Variants in EXOC6B observed in about 807,000 individuals in gnomAD.
EXOC6B encodes exocyst complex component 6B, also known as SEC15 homolog B.
EXOC6B carries 54 observed loss-of-function variants against 113.5 expected under a neutral mutation model. The observed-to-expected ratio is 0.48, with a 90% confidence interval of 0.38 to 0.60. The LOEUF is 0.60. Among genes scored for constraint, EXOC6B ranks in the 20% least tolerant of loss-of-function variants. The pLI is 0.00. For synonymous variants in EXOC6B, 357 were observed against 339.0 expected, an observed-to-expected ratio of 1.05 and a Z score of -0.58; for missense variants, 797 against 977.5, an observed-to-expected ratio of 0.82 and a Z score of 2.46.
intron 18 of EXOC6B, among the ~76,000 whole-genome samples, chr2:72,443,902 T>C (rs1009815240): frequency 5.3e-5 from 8 of 152,202 alleles, no homozygotes; most frequent in South Asian, 2.1e-4. Flanking sequence ...ATTCTGCCCA[T>C]AGGCCCTCCC....
chr2:72,599,624 T>C (rs1478681851), intron 6 of EXOC6B, among the ~76,000 whole-genome samples: 2 of 152,198 alleles, frequency 1.3e-5, no homozygotes, highest in South Asian at 2.1e-4. Context: ...AACCACATGA[T>C]TGTCTATTTT....
At chr2:72,686,369 T>C (rs1252064719) in intron 6 of EXOC6B, among the ~76,000 whole-genome samples, 1 of 152,156 alleles carries the variant, frequency 6.6e-6, no homozygotes, top group Admixed American at 6.6e-5. Context: ...AGGTTTAACA[T>C]AGAATAAAAC....
intron 6 of EXOC6B, among the ~76,000 whole-genome samples, chr2:72,716,365 C>T (rs1253699210): frequency 1.3e-5 from 2 of 152,154 alleles, no homozygotes; most frequent in East Asian, 3.8e-4. Context: ...GGAATTCAAA[C>T]ATTTATTGAA....
At chr2:72,471,693 A>G (rs1233592163) in intron 17 of EXOC6B, among the ~76,000 whole-genome samples, 1 of 152,074 alleles carries the variant, frequency 6.6e-6, no homozygotes, top group African/African-American at 2.4e-5. Flanking sequence ...GATGCCTTTT[A>G]TTTCTTTCTC....
At chr2:72,577,603 A>C (rs957628801) in intron 6 of EXOC6B, among the ~76,000 whole-genome samples, 1 of 152,008 alleles carries the variant, frequency 6.6e-6, no homozygotes, top group African/African-American at 2.4e-5. Context: ...GTTATCATCT[A>C]TTCAAAATGT....
intron 8 of EXOC6B, among the ~76,000 whole-genome samples, chr2:72,534,474 T>TACTTTA (rs1286417097): frequency 3.3e-5 from 5 of 152,160 alleles, no homozygotes; most frequent in Non-Finnish European, 5.9e-5. Context: ...TAAGATGATA[T>TACTTTA]ACTTTAACTT....
At chr2:72,426,612 C>T (rs1695209858) in intron 18 of EXOC6B, among the ~76,000 whole-genome samples, 1 of 152,116 alleles carries the variant, frequency 6.6e-6, no homozygotes, top group Non-Finnish European at 1.5e-5. Flanking sequence ...AAAGCTAGAA[C>T]TGGGATAAGA....
chr2:72,668,645 C>A (rs555684538), intron 6 of EXOC6B, among the ~76,000 whole-genome samples: 1 of 152,252 alleles, frequency 6.6e-6, no homozygotes, highest in South Asian at 2.1e-4. Flanking sequence ...AAGCCATTAT[C>A]CTAAGTAAAC....
At chr2:72,354,666 A>C (rs538378315) in intron 19 of EXOC6B, among the ~76,000 whole-genome samples, 1 of 152,302 alleles carries the variant, frequency 6.6e-6, no homozygotes, top group African/African-American at 2.4e-5. Flanking sequence ...TCATTGACCC[A>C]TGTCTGAGAA....
intron 7 of EXOC6B, among the ~76,000 whole-genome samples, chr2:72,573,096 A>G (rs1199135427): frequency 1.3e-5 from 2 of 152,208 alleles, no homozygotes; most frequent in Non-Finnish European, 2.9e-5. Flanking sequence ...AAGAAGGAGC[A>G]TGGCACAAAA....
chr2:72,663,260 G>A (rs977030646), intron 6 of EXOC6B, among the ~76,000 whole-genome samples: 1 of 152,164 alleles, frequency 6.6e-6, no homozygotes, highest in African/African-American at 2.4e-5. Context: ...TCTGCTGAAT[G>A]AAAGAAGCCA....
intron 2 of EXOC6B, among the ~76,000 whole-genome samples, chr2:72,734,459 G>A (rs1433007226): frequency 2.0e-5 from 3 of 152,140 alleles, no homozygotes; most frequent in African/African-American, 7.2e-5. Context: ...TGTCTAAAAG[G>A]GGGTCAGCAA....
intron 20 of EXOC6B, among the ~76,000 whole-genome samples, chr2:72,291,846 A>T (rs1481157657): frequency 1.3e-5 from 2 of 152,208 alleles, no homozygotes; most frequent in Admixed American, 1.3e-4. Flanking sequence ...TCCCATTGAA[A>T]TATTCATAAA....
In EXOC6B at chr2:72,319,204, C is replaced by T. The variant is rs1014458366; in HGVS notation, c.2196+15743G>A. On this transcript the variant is annotated intron_variant, in intron 20 of 21. Transcript: ENST00000272427. The stretch of plus-strand genomic sequence containing the variant: ...AATGATGGTCTGTAAAACTGATGGA[C>T]CATTTATAATAAAAACTTTAATCAA... Among the ~76,000 whole-genome samples, 38 of 151,744 alleles carry T rather than the reference C, an allele frequency of 2.5e-4. 1 individual carries two copies. The highest frequency in any genetic ancestry group is 2.4e-3 in the Admixed American group (37 of 15,238).
chr2:72,218,265 T>C (rs919484347), intron 20 of EXOC6B, among the ~76,000 whole-genome samples: 3 of 152,244 alleles, frequency 2.0e-5, no homozygotes, highest in Non-Finnish European at 4.4e-5. Context: ...ATGTTTCAGG[T>C]TGCTTCCTAT....
intron 6 of EXOC6B, among the ~76,000 whole-genome samples, chr2:72,600,839 GTAA>G (rs1411780986): frequency 6.6e-6 from 1 of 151,810 alleles, no homozygotes; most frequent in African/African-American, 2.4e-5. Flanking sequence ...AAAGGAAAAA[GTAA>G]TAAACTGGAA....
At chr2:72,527,920 T>C (rs1451707817) in intron 8 of EXOC6B, among the ~76,000 whole-genome samples, 2 of 152,006 alleles carry the variant, frequency 1.3e-5, no homozygotes, top group Non-Finnish European at 2.9e-5. Flanking sequence ...TTCTTCAAAG[T>C]ATTTATATAT....
intron 18 of EXOC6B, chr2:72,464,841 T>C: frequency 3.1e-6 from 1 of 322,080 alleles, no homozygotes; most frequent in East Asian, 5.0e-5. Context: ...AATATACATA[T>C]CTGAAATTCT....
intron 1 of EXOC6B, among the ~76,000 whole-genome samples, chr2:72,762,555 T>C (rs1484524509): frequency 1.3e-5 from 2 of 150,764 alleles, no homozygotes; most frequent in South Asian, 2.1e-4. Context: ...AAAAAAAAAA[T>C]TGTAAATCAA....
Sources: allele counts gnomAD v4.1 joint callset (sites outside exome capture counted in the v4.1 genomes callset), GRCh38; gene constraint gnomAD v4.1.1; transcripts MANE v1.5; gene names NCBI Gene and HGNC (gene_info 2026-07-23, HGNC 2026-07-21).